The following EFCAB6 variants were observed in gnomAD, a reference collection of about 807,000 sequenced individuals.
EFCAB6 encodes the protein EF-hand calcium-binding domain-containing protein 6.
A neutral mutation model predicts 169.8 loss-of-function variants in EFCAB6; 156 were observed. The ratio of observed to expected loss-of-function variants is 0.92; its 90% CI spans 0.81 to 1.05. The LOEUF is 1.05. Ranked by LOEUF, EFCAB6 falls within the 50% of genes least tolerant of loss-of-function variation. EFCAB6 has a pLI of 0.00. For missense variants in EFCAB6, 1,800 were observed against 1,829.1 expected, an observed-to-expected ratio of 0.98 and a Z score of 0.29; for synonymous variants, 698 against 676.4, an observed-to-expected ratio of 1.03 and a Z score of -0.50.
intron 7 of EFCAB6, among the ~76,000 whole-genome samples, chr22:43,733,554 G>T (rs1339240362): frequency 6.6e-6 from 1 of 152,116 alleles, no homozygotes; most frequent in African/African-American, 2.4e-5. Context: ...CTGCCTAAAT[G>T]GAACAGGTCA....
chr22:43,600,220 A>C lies in EFCAB6; in HGVS notation c.2725T>G (p.Leu909Val), dbSNP rs1295538443. ...GKGHITYQEFLQKLGINYSPA... is the reference protein window; with the variant it reads ...GKGHITYQEFVQKLGINYSPA... ...GAATAGTTAATACCCAATTTCTGTA[A>C]AAATTCCTGGTAAGTAATGTGCCCT... is the stretch of plus-strand genomic sequence containing the variant. The change falls in exon 23 of 32, where the codon TTA (leucine) becomes GTA (valine). Residue 909 changes from leucine (L) to valine (V), a missense_variant. By Grantham distance (32) the Leu-to-Val change is conservative. Transcript: ENST00000262726. 1.2e-6 allele frequency: 2 copies of C among 1,614,158 alleles called. No individual in the cohort carries two copies. Among genetic ancestry groups the C allele is most frequent in the East Asian group, 4.5e-5 (2 of 44,888 alleles).
At position 43,563,131 on chromosome 22, in the gene EFCAB6, G is replaced by GC. The variant is rs549132475; in HGVS notation, c.3421-8036dup. On this transcript the variant is annotated intron_variant, in intron 26 of 31. Transcript: ENST00000262726. Reference sequence around the variant, plus strand: ...CAGCACCAGTAACCAAGCGCCGCCTGCCAGGGCAGAAGGAACGCGGCCAGG... The same window carrying GC: ...CAGCACCAGTAACCAAGCGCCGCCTGCCCAGGGCAGAAGGAACGCGGCCAGG... Among the ~76,000 whole-genome samples the GC allele has an allele frequency of 3.9e-5, 6 of 152,284 alleles. No individual in the cohort carries two copies. The South Asian group carries it at 1.2e-3, about 32-fold the overall frequency.
At chr22:43,778,385 C>G (rs1473275298) in intron 3 of EFCAB6, among the ~76,000 whole-genome samples, 1 of 152,176 alleles carries the variant, frequency 6.6e-6, no homozygotes, top group Non-Finnish European at 1.5e-5. Flanking sequence ...AAGTTCGGGG[C>G]AGCTGTTTAC....
chr22:43,656,316 G>A (rs2056739348), intron 17 of EFCAB6, among the ~76,000 whole-genome samples: 2 of 152,000 alleles, frequency 1.3e-5, no homozygotes, highest in African/African-American at 2.4e-5. Flanking sequence ...CTTAAACCCA[G>A]GAGGCGGAGA....
chr22:43,573,469 A>T (rs934006891), intron 26 of EFCAB6, among the ~76,000 whole-genome samples: 1 of 124 alleles, frequency 8.1e-3, no homozygotes, highest in African/African-American at 0.029. Context: ...ACGGTGGCTT[A>T]TGCTGTAATC....
chr22:43,719,217 C>T (rs2059439389), intron 8 of EFCAB6, among the ~76,000 whole-genome samples: 1 of 152,184 alleles, frequency 6.6e-6, no homozygotes, highest in Admixed American at 6.5e-5. Context: ...CCTCTCTCAC[C>T]ACAATTATAC....
intron 8 of EFCAB6, among the ~76,000 whole-genome samples, chr22:43,727,598 A>G (rs2059785446): frequency 6.6e-6 from 1 of 152,230 alleles, no homozygotes; most frequent in African/African-American, 2.4e-5. Context: ...TAAAAGTACA[A>G]TGCAGGGCAG....
At chr22:43,597,771 T>C (rs2052132357) in intron 23 of EFCAB6, among the ~76,000 whole-genome samples, 1 of 152,338 alleles carries the variant, frequency 6.6e-6, no homozygotes, top group Admixed American at 6.5e-5. Context: ...TCAGTATATC[T>C]GCATTTCCAT....
chr22:43,688,022 T>C (rs1003465760), intron 10 of EFCAB6, among the ~76,000 whole-genome samples: 1 of 152,182 alleles, frequency 6.6e-6, no homozygotes, highest in Non-Finnish European at 1.5e-5. Flanking sequence ...GATCTGGAGA[T>C]GGAGCAACTC....
rs762821564 is a variant in EFCAB6, at chr22:43,626,421, GACACAGA to G, written c.2465+19_2465+25del. On this transcript the variant is annotated intron_variant, in intron 20 of 31. Coordinates refer to ENST00000262726, the MANE Select transcript of EFCAB6 (RefSeq NM_022785.4). ...GTGGCACGGGCCGGCATATATTAAA[GACACAGA>G]CCCGTGCTGCCTTCTTACCTAATGA... is the stretch of plus-strand genomic sequence containing the variant. The G allele has an allele frequency of 6.2e-7, 1 of 1,606,786 alleles. No homozygotes were observed.
In EFCAB6 at chr22:43,533,776, C is replaced by T. The variant is rs1009009797; in HGVS notation, c.4233+912G>A. Among the ~76,000 whole-genome samples, 13 of 152,098 alleles carry T rather than the reference C, an allele frequency of 8.5e-5. 1 individual carries two copies. Among genetic ancestry groups the T allele is most frequent in the Non-Finnish European group, 5.9e-5 (4 of 68,020 alleles). On this transcript the variant is annotated intron_variant, in intron 30 of 31. Transcript: ENST00000262726. The stretch of plus-strand genomic sequence containing the variant: ...AAATGGGGTGGCTAAGTATTGCTCA[C>T]GTTATCACATGCGTATAGAGATCAT...
chr22:43,725,122 G>A lies in EFCAB6; in HGVS notation c.757+6577C>T, dbSNP rs142601456. Among the ~76,000 whole-genome samples, 334 of 148,126 alleles carry A rather than the reference G, an allele frequency of 2.3e-3. 1 individual carries two copies. Among genetic ancestry groups the A allele is most frequent in the African/African-American group, 7.9e-3 (320 of 40,490 alleles). ...ACAGGGCAAGAGAGAGGCATGTTGA[G>A]AGCCAAACTGGCTTTTTTTTTTTTT... is the stretch of plus-strand genomic sequence containing the variant. On this transcript the variant is annotated intron_variant, in intron 8 of 31. Transcript: ENST00000262726.
chr22:43,637,660 C>T (rs1339125194), intron 17 of EFCAB6, among the ~76,000 whole-genome samples: 1 of 152,138 alleles, frequency 6.6e-6, no homozygotes, highest in Non-Finnish European at 1.5e-5. Context: ...TCCCCAGGGC[C>T]TGCCTGTGGA....
Position 43,537,967 on chromosome 22 carries a change from C to T in EFCAB6, c.3880-422G>A, listed in dbSNP as rs1467534130. 6.6e-6 allele frequency among the ~76,000 whole-genome samples: 1 copy of T among 152,196 alleles called. No individual in the cohort carries two copies. The highest frequency in any genetic ancestry group is 1.5e-5 in the Non-Finnish European group (1 of 68,042). ...ATTCACAGAATATCTGTTATTTAGA[C>T]ATTATGTGGATCAAGTACGAGGCTG... On this transcript the variant is annotated intron_variant, in intron 28 of 31. Transcript: ENST00000262726. This position sits in a 1 kb window ranked among gnomAD's most constrained non-coding sequence, Gnocchi z 4.3.
chr22:43,694,656 T>G (rs1243373874), intron 10 of EFCAB6, among the ~76,000 whole-genome samples: 1 of 152,068 alleles, frequency 6.6e-6, no homozygotes, highest in Non-Finnish European at 1.5e-5. Flanking sequence ...GCTTAACATT[T>G]GAAAATCAAG....
chr22:43,543,080 C>T (rs1293062472), intron 27 of EFCAB6, among the ~76,000 whole-genome samples: 2 of 152,124 alleles, frequency 1.3e-5, no homozygotes, highest in Non-Finnish European at 1.5e-5. Context: ...AACCTGCAGC[C>T]ACAGTTCTTC....
At chr22:43,748,357 T>C (rs2060637220) in intron 6 of EFCAB6, among the ~76,000 whole-genome samples, 1 of 152,314 alleles carries the variant, frequency 6.6e-6, no homozygotes. Flanking sequence ...GAAACATAAC[T>C]CTACAGAATA....
intron 8 of EFCAB6, among the ~76,000 whole-genome samples, chr22:43,720,459 C>G (rs564320037): frequency 4.7e-4 from 72 of 152,160 alleles, no homozygotes; most frequent in African/African-American, 1.5e-3. Context: ...CTGCAGTGAG[C>G]TATGATCATG....
intron 24 of EFCAB6, among the ~76,000 whole-genome samples, chr22:43,587,866 CAA>C (rs1475494656): frequency 6.6e-6 from 1 of 152,150 alleles, no homozygotes; most frequent in Non-Finnish European, 1.5e-5. Context: ...AACAGGAGAC[CAA>C]AGAGTCTTCT....
Sources: gnomAD v4.1 joint callset for allele counts (sites outside exome capture counted in the v4.1 genomes callset) on GRCh38, gnomAD v4.1.1 for gene constraint, Gnocchi (gnomAD v3.1) non-coding constraint, MANE v1.5 for transcripts, NCBI Gene and HGNC (gene_info 2026-07-23, HGNC 2026-07-21) for gene names.